The following CELF2 variants were observed in gnomAD, a reference collection of about 807,000 sequenced individuals.
CELF2 encodes the protein CUGBP Elav-like family member 2.
CELF2 carries 8 observed loss-of-function variants against 62.6 expected under a neutral mutation model. The observed-to-expected ratio is 0.13, with a 90% confidence interval of 0.07 to 0.23. CELF2 has a LOEUF of 0.23. CELF2 is among the 10% of genes least tolerant of loss of function. The probability of loss-of-function intolerance (pLI) is 1.00; values close to 1 mark genes in which losing one functional copy is unlikely to be tolerated. For missense variants in CELF2, 333 were observed against 671.0 expected (o/e 0.50, Z 5.56); for synonymous variants, 258 against 250.0 (o/e 1.03, Z -0.30).
At chr10:10,725,479 G>C in the CELF2 span, among the ~76,000 whole-genome samples, 1 of 152,142 alleles carries the variant, frequency 6.6e-6, no homozygotes, top group Admixed American at 6.6e-5. Context: ...CACGGCTGGT[G>C]GTCCTCCTTA....
rs1340784760 is a variant in CELF2, at chr10:11,269,358, G to C, written c.619-1308G>C. ...TTTTTCTCACTTTTTTTTATTAACA[G>C]ACATGATATCCTCATGTATTCAGAA... On this transcript the variant is annotated intron_variant, in intron 6 of 12. Coordinates refer to ENST00000633077, the MANE Select transcript of CELF2 (RefSeq NM_001326342.2). This position sits in a 1 kb window ranked among gnomAD's most constrained non-coding sequence, Gnocchi z 4.4. 6.6e-6 allele frequency among the ~76,000 whole-genome samples: 1 copy of C among 151,988 alleles called. No individual in the cohort carries two copies. Among genetic ancestry groups the C allele is most frequent in the African/African-American group, 2.4e-5 (1 of 41,360 alleles).
chr10:10,748,694 G>T, the CELF2 span, among the ~76,000 whole-genome samples: 1 of 144,066 alleles, frequency 6.9e-6, no homozygotes, highest in East Asian at 2.1e-4. Context: ...CTGGCAGTGA[G>T]CCGAGGTTGT....
intron 1 of CELF2, among the ~76,000 whole-genome samples, chr10:10,809,582 A>G (rs923929301): frequency 9.9e-5 from 15 of 152,224 alleles, no homozygotes; most frequent in African/African-American, 2.7e-4. Context: ...AATAAGTCAA[A>G]AGTATATAAA....
the CELF2 span, among the ~76,000 whole-genome samples, chr10:10,779,875 T>C: frequency 0.036 from 5,453 of 152,162 alleles, 119 homozygotes; most frequent in Middle Eastern, 0.061. Flanking sequence ...AAAAAAACTT[T>C]AAACTTTCTA....
intron 1 of CELF2, among the ~76,000 whole-genome samples, chr10:10,896,502 G>T (rs779419600): frequency 7.2e-5 from 11 of 151,864 alleles, no homozygotes; most frequent in Non-Finnish European, 1.6e-4. Context: ...TAGTTAAGAT[G>T]GGGTCACACT....
chr10:10,533,744 A>G, the CELF2 span, among the ~76,000 whole-genome samples: 1 of 152,222 alleles, frequency 6.6e-6, no homozygotes, highest in East Asian at 1.9e-4. Flanking sequence ...TGGGGAAACA[A>G]TAAGTTAAGG....
the CELF2 span, among the ~76,000 whole-genome samples, chr10:10,486,763 T>C: frequency 5.9e-5 from 9 of 152,162 alleles, no homozygotes; most frequent in African/African-American, 1.7e-4. Flanking sequence ...AAAAGTAATC[T>C]AGATAAACAT....
chr10:10,612,987 G>A, the CELF2 span, among the ~76,000 whole-genome samples: 1 of 152,298 alleles, frequency 6.6e-6, no homozygotes, highest in African/African-American at 2.4e-5. Flanking sequence ...AGCATGAAGT[G>A]CCAGATTTTA....
At chr10:11,091,252 T>G (rs1053335122) in intron 1 of CELF2, among the ~76,000 whole-genome samples, 2 of 152,196 alleles carry the variant, frequency 1.3e-5, no homozygotes, top group Admixed American at 1.3e-4. Flanking sequence ...AAGTGGGCGT[T>G]GAGTCAACTG....
chr10:10,467,842 A>G, the CELF2 span, among the ~76,000 whole-genome samples: 1 of 152,060 alleles, frequency 6.6e-6, no homozygotes, highest in Non-Finnish European at 1.5e-5. Context: ...AAGGTCATGG[A>G]AAAACGGAAT....
At chr10:11,162,181 C>T (rs555585336) in intron 1 of CELF2, among the ~76,000 whole-genome samples, 39 of 151,586 alleles carry the variant, frequency 2.6e-4, no homozygotes, top group East Asian at 1.2e-3. Context: ...TTGGTGGGAC[C>T]GGACCACCTA....
rs933309971 is a variant in CELF2 at position 11,145,471 on chromosome 10, G to A, written c.75-20015G>A. 1.3e-5 allele frequency among the ~76,000 whole-genome samples: 2 copies of A among 152,190 alleles called. No homozygotes were observed. The highest frequency in any genetic ancestry group is 6.5e-5 in the Admixed American group (1 of 15,282). ...TGGTGAGTGATTGCATTTAATATAA[G>A]AATCAGGTAAAATTGTCCGCACAGA... On this transcript the variant is annotated intron_variant, in intron 1 of 12. Coordinates refer to ENST00000633077, the MANE Select transcript of CELF2 (RefSeq NM_001326342.2). The surrounding 1 kb of genome is among the most constrained non-coding windows in gnomAD (Gnocchi z 4.3).
chr10:11,176,729 G>A (rs1565105909), intron 2 of CELF2, among the ~76,000 whole-genome samples: 2 of 152,210 alleles, frequency 1.3e-5, no homozygotes, highest in Non-Finnish European at 2.9e-5. Flanking sequence ...GCCACAGAGA[G>A]ACCTTTCTGT....
At chr10:11,073,115 A>C (rs2070685628) in intron 1 of CELF2, among the ~76,000 whole-genome samples, 1 of 152,182 alleles carries the variant, frequency 6.6e-6, no homozygotes, top group South Asian at 2.1e-4. Context: ...TAACATGTCA[A>C]ATCTTAGCAA....
At chr10:10,506,080 ATT>A in the CELF2 span, among the ~76,000 whole-genome samples, 2,112 of 149,922 alleles carry the variant, frequency 0.014, 51 homozygotes, top group African/African-American at 0.05. Context: ...GTATTCTCTC[ATT>A]TTTTTTTTTA....
intron 3 of CELF2, among the ~76,000 whole-genome samples, chr10:11,245,030 C>G (rs1274496122): frequency 1.3e-5 from 2 of 152,146 alleles, no homozygotes; most frequent in Admixed American, 6.5e-5. Context: ...AATGAGAACC[C>G]CTTCTCATCC....
rs1351686299 is a variant in CELF2, at chr10:11,280,990, G to A, written c.841+5870G>A. ...GGCGTGCGTGTGCATGCCTGTGTGC[G>A]TGTGTGTGTGTGTGTGTGTGTGTGT... On this transcript the variant is annotated intron_variant, in intron 8 of 12. Transcript: ENST00000633077. The surrounding 1 kb of genome is among the most constrained non-coding windows in gnomAD (Gnocchi z 7.6). Among the ~76,000 whole-genome samples, 2 of 43,990 alleles carry A rather than the reference G, an allele frequency of 4.5e-5. No homozygotes were observed. Among genetic ancestry groups the A allele is most frequent in the South Asian group, 1.7e-3 (2 of 1,196 alleles). 28.9% of individuals were successfully genotyped at this position (43,990 alleles called of 152,430 possible). A position where few individuals can be genotyped will look rare whatever the true frequency, so the allele number is the denominator to read the frequency against.
chr10:10,723,073 T>C, the CELF2 span, among the ~76,000 whole-genome samples: 3 of 152,258 alleles, frequency 2.0e-5, no homozygotes, highest in South Asian at 6.2e-4. Flanking sequence ...TTTTATCTTT[T>C]CTCTGAGTTT....
chr10:11,201,153 G>A (rs1475580798), intron 2 of CELF2, among the ~76,000 whole-genome samples: 2 of 152,176 alleles, frequency 1.3e-5, no homozygotes, highest in Admixed American at 6.5e-5. Flanking sequence ...GCTGTGTTGG[G>A]TAGTCCCCTG....
Sources: allele counts gnomAD v4.1 joint callset (sites outside exome capture counted in the v4.1 genomes callset), GRCh38; gene constraint gnomAD v4.1.1; non-coding constraint Gnocchi (gnomAD v3.1); transcripts MANE v1.5; gene names NCBI Gene and HGNC (gene_info 2026-07-23, HGNC 2026-07-21).